Variants in ENKUR observed in about 807,000 individuals in gnomAD.
ENKUR encodes the protein enkurin.
Under a neutral mutation model 27.6 loss-of-function variants are expected in ENKUR, and 19 were observed. The ratio of observed to expected loss-of-function variants is 0.69; its 90% CI spans 0.48 to 1.01. ENKUR has a LOEUF of 1.01. Ranked by LOEUF, ENKUR falls within the 50% of genes least tolerant of loss-of-function variation. The probability of loss-of-function intolerance (pLI) is 0.00; values close to 1 mark genes in which losing one functional copy is unlikely to be tolerated. For missense variants in ENKUR, 312 were observed against 310.5 expected, an observed-to-expected ratio of 1.00 and a Z score of -0.04; for synonymous variants, 117 against 96.9, an observed-to-expected ratio of 1.21 and a Z score of -1.22.
At position 24,999,543 on chromosome 10, in the gene ENKUR, G is replaced by A. The variant is rs750061353; in HGVS notation, c.81C>T (p.Tyr27=). Residue 27 remains tyrosine (Y), a synonymous_variant, in exon 2 of 6, where the codon TAC becomes TAT. Coordinates refer to ENST00000331161, the MANE Select transcript of ENKUR (RefSeq NM_145010.4). ...TTACAGTTGCCTTAAAAATGGATAT[G>A]TACCTAAAATTGAATTTTAAAAGTT... ...DLKEPPQPPR[Y]ISIFKATVKD... 2.5e-6 allele frequency: 4 copies of A among 1,602,920 alleles called. No individual in the cohort carries two copies. The highest frequency in any genetic ancestry group is 2.3e-5 in the South Asian group (2 of 87,918).
chr10:25,058,716 A>G (rs982403881), intron 2 of ENKUR, among the ~76,000 whole-genome samples: 1 of 151,932 alleles, frequency 6.6e-6, no homozygotes, highest in South Asian at 2.1e-4. Context: ...TGATCACCTG[A>G]GGTCAGGAGT....
chr10:25,023,554 T>C, intron 2 of ENKUR: 1 of 1,614,076 alleles, frequency 6.2e-7, no homozygotes, highest in Non-Finnish European at 8.5e-7. Flanking sequence ...TAATGAGCAA[T>C]TTTTAGAAGA....
chr10:24,990,242 C>T (rs1339586828), intron 4 of ENKUR, among the ~76,000 whole-genome samples: 1 of 152,148 alleles, frequency 6.6e-6, no homozygotes, highest in Admixed American at 6.5e-5. Context: ...AAACAGTTCA[C>T]CAAATTGGAA....
chr10:24,990,967 G>T (rs1038444281), intron 3 of ENKUR, among the ~76,000 whole-genome samples: 11 of 152,204 alleles, frequency 7.2e-5, no homozygotes, highest in Admixed American at 7.2e-4. Context: ...AGGCATCGTG[G>T]CATGTGCCAG....
Position 24,988,996 on chromosome 10 carries a change from A to G in ENKUR, c.594+1467T>C, listed in dbSNP as rs565594491. ...GTGGATGATTTGCTATCATCACATC[A>G]AAGGGTAACTCTGTAGCGACCGTAA... On this transcript the variant is annotated intron_variant, in intron 4 of 5. Coordinates refer to ENST00000331161, the MANE Select transcript of ENKUR (RefSeq NM_145010.4). Among the ~76,000 whole-genome samples, 3 of 151,994 alleles carry G rather than the reference A, an allele frequency of 2.0e-5. No homozygotes were observed. In the East Asian group the frequency reaches 5.8e-4, roughly 30 times the overall value.
chr10:25,030,349 T>C (rs1208458935), intron 2 of ENKUR, among the ~76,000 whole-genome samples: 1 of 152,220 alleles, frequency 6.6e-6, no homozygotes, highest in African/African-American at 2.4e-5. Flanking sequence ...GCAGACTAGA[T>C]TAATATTTTG....
At chr10:25,014,520 TG>T (rs1327028306) in intron 1 of ENKUR, among the ~76,000 whole-genome samples, 1 of 150,774 alleles carries the variant, frequency 6.6e-6, no homozygotes, top group African/African-American at 2.5e-5. Context: ...AAATTTTTTT[TG>T]AAAAAAAAAA....
intron 1 of ENKUR, chr10:25,061,464 A>G: frequency 1.0e-5 from 3 of 298,268 alleles, no homozygotes; most frequent in Non-Finnish European, 1.8e-5. Context: ...GCCTGAGCCT[A>G]CTGTTCTCCC....
At chr10:25,040,838 T>C (rs1250464743) in intron 2 of ENKUR, among the ~76,000 whole-genome samples, 2 of 152,258 alleles carry the variant, frequency 1.3e-5, no homozygotes, top group East Asian at 3.8e-4. Context: ...AGTTGGTTTA[T>C]TGTCTTTCTT....
chr10:25,005,919 G>A (rs1301698379), intron 1 of ENKUR, among the ~76,000 whole-genome samples: 2 of 152,224 alleles, frequency 1.3e-5, no homozygotes, highest in Non-Finnish European at 2.9e-5. Context: ...CATCTGTGCT[G>A]TGTAATATAG....
intron 2 of ENKUR, chr10:25,025,708 G>C (rs12256642): frequency 0.29 from 122,396 of 418,074 alleles, 20,053 homozygotes; most frequent in East Asian, 0.52. Context: ...TGCTCATGAG[G>C]GGTGTATCAA....
intron 1 of ENKUR, among the ~76,000 whole-genome samples, chr10:25,000,963 T>G (rs1021069126): frequency 3.9e-5 from 6 of 152,094 alleles, no homozygotes; most frequent in African/African-American, 1.4e-4. Flanking sequence ...TAACATGTGG[T>G]ATGAGAACCT....
chr10:24,995,707 C>A lies in ENKUR; in HGVS notation c.386G>T (p.Arg129Ile). 6.2e-7 allele frequency: 1 copy of A among 1,614,026 alleles called. No individual in the cohort carries two copies. The highest frequency in any genetic ancestry group is 8.5e-7 in the Non-Finnish European group (1 of 1,179,984). ...KKPKPIYVDK[R>I]TGDKHDLEPS... ...CTCAAGATCATGCTTGTCTCCAGTTCTTTTATCAACATAAATTGGTTTAGG... is the reference window on the plus strand; with the variant it reads ...CTCAAGATCATGCTTGTCTCCAGTTATTTTATCAACATAAATTGGTTTAGG... The change falls in exon 3 of 6, where the codon AGA (arginine) becomes ATA (isoleucine). Residue 129 changes from arginine (R) to isoleucine (I), a missense_variant. Arg to Ile is a moderately conservative substitution (Grantham distance 97). Coordinates refer to ENST00000331161, the MANE Select transcript of ENKUR (RefSeq NM_145010.4).
chr10:25,005,332 A>T (rs1850287250), intron 1 of ENKUR, among the ~76,000 whole-genome samples: 1 of 152,240 alleles, frequency 6.6e-6, no homozygotes, highest in African/African-American at 2.4e-5. Flanking sequence ...GATTAGACTT[A>T]CTAATCACCA....
At chr10:25,000,570 C>T (rs1172594828) in intron 1 of ENKUR, among the ~76,000 whole-genome samples, 1 of 152,108 alleles carries the variant, frequency 6.6e-6, no homozygotes, top group Non-Finnish European at 1.5e-5. Context: ...AAATAACACT[C>T]TATTCCTTTT....
chr10:24,995,919 C>T (rs766700003), intron 2 of ENKUR, 50 bp from the exon 3 acceptor site: 1 of 1,410,648 alleles, frequency 7.1e-7, no homozygotes. Flanking sequence ...AACACTGCTA[C>T]TCAGTGCTAT....
At chr10:25,035,760 C>T (rs1851000167) in intron 2 of ENKUR, among the ~76,000 whole-genome samples, 2 of 152,134 alleles carry the variant, frequency 1.3e-5, no homozygotes, top group Non-Finnish European at 2.9e-5. Flanking sequence ...ACATTTCACT[C>T]ACAATGATTG....
chr10:25,017,260 TTTG>T (rs1179090288), upstream of ENKUR, among the ~76,000 whole-genome samples: 2 of 152,210 alleles, frequency 1.3e-5, no homozygotes, highest in Admixed American at 1.3e-4. Context: ...TTTATTCCTT[TTTG>T]TTCCACCTGG....
At chr10:24,989,246 C>T (rs1849872447) in intron 4 of ENKUR, among the ~76,000 whole-genome samples, 1 of 152,196 alleles carries the variant, frequency 6.6e-6, no homozygotes, top group African/African-American at 2.4e-5. Context: ...CCAATTCTCA[C>T]TTCCATGTCT....
Sources: gnomAD v4.1 joint callset for allele counts (sites outside exome capture counted in the v4.1 genomes callset) on GRCh38, gnomAD v4.1.1 for gene constraint, MANE v1.5 for transcripts, NCBI Gene and HGNC (gene_info 2026-07-23, HGNC 2026-07-21) for gene names.